Variants in MAST4 observed in about 807,000 individuals in gnomAD.
MAST4 encodes microtubule-associated serine/threonine-protein kinase 4.
In MAST4, 89 loss-of-function variants were observed where a neutral mutation model predicts 162.7. That is an observed-to-expected ratio of 0.55 (90% CI 0.46 to 0.65). The LOEUF is 0.65. Among genes scored for constraint, MAST4 ranks in the 30% least tolerant of loss-of-function variants. MAST4 has a pLI of 0.00. For synonymous variants in MAST4, 1,479 were observed against 1,361.1 expected (o/e 1.09, Z -1.91); for missense variants, 3,153 against 3,374.0 (o/e 0.93, Z 1.62).
chr5:66,840,479 A>G (rs1388982755), intron 3 of MAST4, among the ~76,000 whole-genome samples: 1 of 152,164 alleles, frequency 6.6e-6, no homozygotes, highest in Non-Finnish European at 1.5e-5. Context: ...TATGGTTACT[A>G]TGAATCAAAC....
chr5:67,134,755 A>C, intron 18 of MAST4, 67 bp downstream of exon 18: 1 of 1,332,458 alleles, frequency 7.5e-7, no homozygotes. Flanking sequence ...AAATCTGTTG[A>C]GTGTCACAGT....
At chr5:67,068,473 C>G (rs561216163) in intron 5 of MAST4, among the ~76,000 whole-genome samples, 1 of 152,110 alleles carries the variant, frequency 6.6e-6, no homozygotes, top group Non-Finnish European at 1.5e-5. Flanking sequence ...AGACTCACTC[C>G]CTATCACGAG....
chr5:66,978,113 T>C (rs1249064719), intron 4 of MAST4, among the ~76,000 whole-genome samples: 1 of 152,236 alleles, frequency 6.6e-6, no homozygotes, highest in Non-Finnish European at 1.5e-5. Flanking sequence ...TGACTGTGAA[T>C]GAACATGAAA....
At chr5:66,910,729 GTTTTTTTTTTTCT>G (rs1373433031) in intron 4 of MAST4, among the ~76,000 whole-genome samples, 4,680 of 112,828 alleles carry the variant, frequency 0.041, 170 homozygotes, top group East Asian at 0.12. Flanking sequence ...TACACATGTG[GTTTTTTTTTTTCT>G]TTTTTTTTTT....
intron 1 of MAST4, among the ~76,000 whole-genome samples, chr5:66,699,397 A>G (rs1050612592): frequency 2.0e-5 from 3 of 152,158 alleles, no homozygotes; most frequent in African/African-American, 7.2e-5. Context: ...GCAGGCCCTA[A>G]GGGGTGGAAC....
chr5:67,077,115 G>A (rs758916704), intron 5 of MAST4, among the ~76,000 whole-genome samples: 16 of 152,148 alleles, frequency 1.1e-4, no homozygotes, highest in Non-Finnish European at 2.2e-4. Flanking sequence ...GCCTGGTCTG[G>A]CCTATATCTT....
chr5:66,874,705 C>T (rs183122046), intron 3 of MAST4, among the ~76,000 whole-genome samples: 1 of 152,238 alleles, frequency 6.6e-6, no homozygotes, highest in Admixed American at 6.5e-5. Context: ...GCTTGAAAAT[C>T]TTTTATCCTA....
At chr5:67,069,566 C>G (rs1034109558) in intron 5 of MAST4, among the ~76,000 whole-genome samples, 1 of 152,092 alleles carries the variant, frequency 6.6e-6, no homozygotes. Context: ...CGAGTGACCC[C>G]CAGCATGTTC....
At chr5:66,840,582 C>G (rs1368657746) in intron 3 of MAST4, among the ~76,000 whole-genome samples, 1 of 152,128 alleles carries the variant, frequency 6.6e-6, no homozygotes, top group Non-Finnish European at 1.5e-5. Context: ...ATAGGCAGAG[C>G]CTGCCCTCCA....
intron 6 of MAST4, among the ~76,000 whole-genome samples, chr5:67,093,979 T>C (rs944259038): frequency 6.6e-6 from 1 of 152,248 alleles, no homozygotes; most frequent in Non-Finnish European, 1.5e-5. Flanking sequence ...AGTATCTTTG[T>C]AAGCATGTTA....
At chr5:66,933,936 C>T (rs1304137017) in intron 4 of MAST4, among the ~76,000 whole-genome samples, 1 of 152,088 alleles carries the variant, frequency 6.6e-6, no homozygotes, top group Non-Finnish European at 1.5e-5. Context: ...AAGTGATCCT[C>T]CAACCTCAGC....
intron 3 of MAST4, among the ~76,000 whole-genome samples, chr5:66,889,701 T>C (rs1396656051): frequency 6.6e-6 from 1 of 152,226 alleles, no homozygotes; most frequent in Non-Finnish European, 1.5e-5. Flanking sequence ...TTCCTTCTTC[T>C]AATTCAAGCA....
At chr5:67,025,993 C>T (rs1754598864) in intron 4 of MAST4, among the ~76,000 whole-genome samples, 1 of 152,170 alleles carries the variant, frequency 6.6e-6, no homozygotes, top group African/African-American at 2.4e-5. Context: ...CTGCACCTAC[C>T]TACTTGTCAG....
chr5:66,747,126 GTGTGTATGTA>G (rs1561301764), intron 1 of MAST4, among the ~76,000 whole-genome samples: 1 of 150,940 alleles, frequency 6.6e-6, no homozygotes, highest in African/African-American at 2.5e-5. Context: ...GTGTGTGTGT[GTGTGTATGTA>G]TGTGTGTGTA....
intron 2 of MAST4, among the ~76,000 whole-genome samples, chr5:66,781,018 C>G (rs1053641139): frequency 6.6e-6 from 1 of 152,336 alleles, no homozygotes; most frequent in Admixed American, 6.5e-5. Flanking sequence ...TCCAAGGTTC[C>G]TCCATGTTGT....
intron 4 of MAST4, among the ~76,000 whole-genome samples, chr5:66,909,261 G>A (rs981967147): frequency 2.6e-5 from 4 of 152,146 alleles, no homozygotes; most frequent in Non-Finnish European, 5.9e-5. Flanking sequence ...CTATATTGCT[G>A]TGGAGACAGA....
chr5:66,714,828 G>A (rs958409711), intron 1 of MAST4, among the ~76,000 whole-genome samples: 6 of 152,168 alleles, frequency 3.9e-5, no homozygotes, highest in Non-Finnish European at 7.3e-5. Flanking sequence ...GTACTTTGTG[G>A]TCCCCACAGG....
chr5:67,166,983 G>A lies in MAST4; in HGVS notation c.7804G>A (p.Asp2602Asn). Residue 2602 changes from aspartate to asparagine, a missense_variant, in exon 29 of 29, where the codon GAC becomes AAC. Transcript: ENST00000403625. Reference sequence around the variant, plus strand: ...CCCCATCTCTCTTTCTAATGAGAAGGACTTTGTGGTACGGCAGAGGCGGGG... The same window carrying A: ...CCCCATCTCTCTTTCTAATGAGAAGAACTTTGTGGTACGGCAGAGGCGGGG... ...DRPISLSNEK[D>N]FVVRQRRGKE... 6.2e-7 allele frequency: 1 copy of A among 1,612,114 alleles called. No homozygotes were observed. The highest frequency in any genetic ancestry group is 8.5e-7 in the Non-Finnish European group (1 of 1,179,474).
chr5:66,633,379 C>T (rs1744907870), intron 1 of MAST4, among the ~76,000 whole-genome samples: 1 of 152,146 alleles, frequency 6.6e-6, no homozygotes, highest in African/African-American at 2.4e-5. Flanking sequence ...AGATAAACAT[C>T]GGGTGTGTTA....
Sources: allele counts gnomAD v4.1 joint callset (sites outside exome capture counted in the v4.1 genomes callset), GRCh38; gene constraint gnomAD v4.1.1; transcripts MANE v1.5; gene names NCBI Gene and HGNC (gene_info 2026-07-23, HGNC 2026-07-21).